MAGI2: variants seen among roughly 807,000 people sequenced by gnomAD.
MAGI2 encodes membrane-associated guanylate kinase, WW and PDZ domain-containing protein 2.
A neutral mutation model predicts 133.3 loss-of-function variants in MAGI2; 35 were observed. The ratio of observed to expected loss-of-function variants is 0.26; its 90% CI spans 0.20 to 0.35. The LOEUF is 0.35. Ranked by LOEUF, MAGI2 falls within the 10% of genes least tolerant of loss-of-function variation. The pLI is 1.00. For missense variants in MAGI2, 1,636 were observed against 1,863.4 expected (o/e 0.88, Z 2.25); for synonymous variants, 729 against 710.6 (o/e 1.03, Z -0.41).
chr7:78,462,429 TG>T (rs1225641382), intron 6 of MAGI2, among the ~76,000 whole-genome samples: 1 of 152,198 alleles, frequency 6.6e-6, no homozygotes, highest in African/African-American at 2.4e-5. Context: ...TAAGGGAACC[TG>T]GGAACAGGAC....
chr7:79,315,440 G>T (rs961889815), intron 1 of MAGI2, among the ~76,000 whole-genome samples: 4 of 150,808 alleles, frequency 2.7e-5, no homozygotes, highest in Non-Finnish European at 4.4e-5. Flanking sequence ...CCTCCAAAGT[G>T]TTAGGATTAT....
chr7:79,293,669 T>G (rs1185417479), intron 1 of MAGI2, among the ~76,000 whole-genome samples: 1 of 152,150 alleles, frequency 6.6e-6, no homozygotes, highest in Non-Finnish European at 1.5e-5. Context: ...GATGAAAAAT[T>G]TATGGTTTAG....
intron 1 of MAGI2, among the ~76,000 whole-genome samples, chr7:79,426,600 A>G (rs902285992): frequency 2.6e-5 from 4 of 152,322 alleles, no homozygotes; most frequent in Non-Finnish European, 5.9e-5. Flanking sequence ...AAGTTACTAC[A>G]TATATAACTA....
chr7:79,040,085 C>T (rs2116895986), intron 1 of MAGI2, among the ~76,000 whole-genome samples: 1 of 152,010 alleles, frequency 6.6e-6, no homozygotes, highest in Admixed American at 6.6e-5. Context: ...TTCGCAATCC[C>T]TATAGGTCAA....
chr7:78,318,756 A>G (rs965673179), intron 9 of MAGI2, among the ~76,000 whole-genome samples: 1 of 152,202 alleles, frequency 6.6e-6, no homozygotes, highest in East Asian at 1.9e-4. Context: ...AGCCCATCAG[A>G]CTAACAGAGG....
chr7:79,325,192 T>G (rs748902629), intron 1 of MAGI2, among the ~76,000 whole-genome samples: 4 of 152,164 alleles, frequency 2.6e-5, no homozygotes, highest in Admixed American at 1.3e-4. Flanking sequence ...TTGACCATCC[T>G]TTCTACAACA....
chr7:79,416,286 G>C (rs1055878875), intron 1 of MAGI2, among the ~76,000 whole-genome samples: 3 of 151,928 alleles, frequency 2.0e-5, no homozygotes, highest in African/African-American at 7.3e-5. Flanking sequence ...GAGATGTTAG[G>C]AACATATACA....
intron 3 of MAGI2, among the ~76,000 whole-genome samples, chr7:78,521,960 A>C (rs1196788682): frequency 1.3e-5 from 2 of 152,174 alleles, no homozygotes; most frequent in African/African-American, 2.4e-5. Flanking sequence ...AATTATCCGA[A>C]TTTTTTATAA....
chr7:78,277,661 A>G (rs1265023968), intron 9 of MAGI2, among the ~76,000 whole-genome samples: 4 of 152,222 alleles, frequency 2.6e-5, no homozygotes, highest in Non-Finnish European at 5.9e-5. Flanking sequence ...TGGTGTCTGA[A>G]GAAGGGCTGA....
intron 1 of MAGI2, among the ~76,000 whole-genome samples, chr7:79,210,993 A>C (rs770019830): frequency 6.6e-6 from 1 of 152,020 alleles, no homozygotes; most frequent in Non-Finnish European, 1.5e-5. Context: ...TGCATTATGC[A>C]TGCTATTGAA....
chr7:79,235,100 C>T (rs1444582851), intron 1 of MAGI2, among the ~76,000 whole-genome samples: 2 of 151,416 alleles, frequency 1.3e-5, no homozygotes, highest in Non-Finnish European at 3.0e-5. Context: ...CCCAGTTAGG[C>T]TGCTCGGGGG....
At chr7:78,865,163 T>C (rs1431839789) in intron 2 of MAGI2, among the ~76,000 whole-genome samples, 1 of 152,082 alleles carries the variant, frequency 6.6e-6, no homozygotes, top group Admixed American at 6.5e-5. Context: ...AGAGCAGAGA[T>C]ATTTTAATCT....
intron 2 of MAGI2, among the ~76,000 whole-genome samples, chr7:78,938,650 A>G (rs1800725137): frequency 1.3e-5 from 2 of 152,134 alleles, no homozygotes; most frequent in Non-Finnish European, 2.9e-5. Context: ...TAAATCCAAG[A>G]CTGGGCTACT....
intron 9 of MAGI2, among the ~76,000 whole-genome samples, chr7:78,314,056 G>A (rs985085160): frequency 2.6e-5 from 4 of 151,980 alleles, no homozygotes; most frequent in Non-Finnish European, 5.9e-5. Flanking sequence ...CAAACATAAC[G>A]TTTCTGTACG....
intron 8 of MAGI2, among the ~76,000 whole-genome samples, chr7:78,344,574 T>C (rs1350413335): frequency 2.0e-5 from 3 of 152,338 alleles, no homozygotes; most frequent in African/African-American, 4.8e-5. Flanking sequence ...GAACTGACTT[T>C]TGTTTACACT....
intron 10 of MAGI2, chr7:78,252,950 A>G (rs923603080): frequency 1.4e-5 from 2 of 147,690 alleles, no homozygotes; most frequent in Non-Finnish European, 3.0e-5. Context: ...CCAAAAAAAA[A>G]AAAAAAAAAA....
chr7:78,022,888 TA>T (rs201483240), intron 21 of MAGI2, among the ~76,000 whole-genome samples: 2,357 of 152,350 alleles, frequency 0.015, 71 homozygotes, highest in African/African-American at 0.053. Flanking sequence ...AGTTTGTTTA[TA>T]GATCATTAAA....
At chr7:79,056,865 A>G (rs1442152754) in intron 1 of MAGI2, among the ~76,000 whole-genome samples, 1 of 152,218 alleles carries the variant, frequency 6.6e-6, no homozygotes, top group Non-Finnish European at 1.5e-5. Context: ...GACTATATTT[A>G]GTGGAGAAAT....
chr7:78,764,266 C>G (rs73135549), intron 2 of MAGI2, among the ~76,000 whole-genome samples: 8,059 of 152,156 alleles, frequency 0.053, 230 homozygotes, highest in African/African-American at 0.062. Flanking sequence ...ATTGCTAAAA[C>G]AATCTTTAAA....
Sources: gnomAD v4.1 joint callset for allele counts (sites outside exome capture counted in the v4.1 genomes callset) on GRCh38, gnomAD v4.1.1 for gene constraint, MANE v1.5 for transcripts, NCBI Gene and HGNC (gene_info 2026-07-23, HGNC 2026-07-21) for gene names.